Variants in HIVEP3 observed in about 807,000 individuals in gnomAD.
The protein encoded by HIVEP3 is HIVEP zinc finger 3.
HIVEP3 carries 49 observed loss-of-function variants against 152.8 expected under a neutral mutation model. The observed-to-expected ratio is 0.32, with a 90% CI of 0.26 to 0.41. The LOEUF (loss-of-function observed/expected upper bound fraction) is 0.41, where lower values mean the gene tolerates loss of function less well. Among genes scored for constraint, HIVEP3 ranks in the 10% least tolerant of loss-of-function variants. HIVEP3 has a pLI of 1.00. For synonymous variants in HIVEP3, 1,269 were observed against 1,289.0 expected (o/e 0.98, Z 0.33); for missense variants, 2,790 against 3,103.3 (o/e 0.90, Z 2.40).
chr1:41,640,198 G>A (rs1429276312), intron 2 of HIVEP3, among the ~76,000 whole-genome samples: 1 of 150,792 alleles, frequency 6.6e-6, no homozygotes, highest in East Asian at 2.0e-4. Flanking sequence ...GAGAATACCG[G>A]AGTGGCGGGA....
chr1:41,685,719 G>C (rs1646104198), intron 2 of HIVEP3, among the ~76,000 whole-genome samples: 1 of 152,216 alleles, frequency 6.6e-6, no homozygotes, highest in Non-Finnish European at 1.5e-5. Flanking sequence ...AAATATACTT[G>C]AACTTATTTG....
intron 1 of HIVEP3, among the ~76,000 whole-genome samples, chr1:41,942,233 A>G (rs1211718608): frequency 1.3e-5 from 2 of 152,238 alleles, no homozygotes; most frequent in African/African-American, 4.8e-5. Flanking sequence ...TAACACATCC[A>G]TATGGGTGTC....
chr1:41,942,152 T>C (rs1281720335), intron 1 of HIVEP3, among the ~76,000 whole-genome samples: 1 of 152,238 alleles, frequency 6.6e-6, no homozygotes, highest in Non-Finnish European at 1.5e-5. Flanking sequence ...GGCAGTCTCA[T>C]GCAGTCTCAC....
At chr1:42,006,383 T>A (rs918129988) in intron 1 of HIVEP3, among the ~76,000 whole-genome samples, 2 of 152,156 alleles carry the variant, frequency 1.3e-5, no homozygotes, top group African/African-American at 4.8e-5. Flanking sequence ...AGGACCTCCT[T>A]ACATTCTTAA....
At chr1:41,562,871 T>C (rs916736940) in intron 5 of HIVEP3, among the ~76,000 whole-genome samples, 2 of 151,854 alleles carry the variant, frequency 1.3e-5, no homozygotes, top group African/African-American at 2.4e-5. Context: ...GTAAGGACGA[T>C]TGGTGGAAAG....
chr1:41,506,926 A>G lies in HIVEP3; in HGVS notation c.*3525T>C, dbSNP rs1414969611. 2.0e-5 allele frequency: 3 copies of G among 151,410 alleles called. No individual in the cohort carries two copies. Among genetic ancestry groups the G allele is most frequent in the Non-Finnish European group, 2.9e-5 (2 of 67,948 alleles). 9.4% of individuals were successfully genotyped at this position (151,410 alleles called of 1,614,324 possible). A position where few individuals can be genotyped will look rare whatever the true frequency, so the allele number is the denominator to read the frequency against. On this transcript the variant is annotated 3_prime_UTR_variant, in exon 9 of 9. Coordinates refer to ENST00000372583, the MANE Select transcript of HIVEP3 (RefSeq NM_024503.5). ...CTTTTCTTTCTTTCTTTTTTTACATACTAGATTTATTAAAGTGACCATAAG... is the reference window on the plus strand; with the variant it reads ...CTTTTCTTTCTTTCTTTTTTTACATGCTAGATTTATTAAAGTGACCATAAG...
At chr1:41,737,341 C>A (rs1444590936) in intron 1 of HIVEP3, among the ~76,000 whole-genome samples, 2 of 152,210 alleles carry the variant, frequency 1.3e-5, no homozygotes, top group African/African-American at 4.8e-5. Flanking sequence ...TCCCACTGCC[C>A]ACAGTGCCTC....
intron 1 of HIVEP3, among the ~76,000 whole-genome samples, chr1:41,821,116 G>T (rs373208332): frequency 1.3e-5 from 2 of 152,278 alleles, no homozygotes; most frequent in South Asian, 2.1e-4. Context: ...CTCTTAGGTG[G>T]CTGCTGACTG....
At chr1:41,749,095 C>A (rs1016560286) in intron 1 of HIVEP3, among the ~76,000 whole-genome samples, 2 of 152,234 alleles carry the variant, frequency 1.3e-5, no homozygotes, top group Non-Finnish European at 2.9e-5. Context: ...TCTCTATTTT[C>A]AGTCATGACA....
chr1:41,981,042 G>A lies in HIVEP3; in HGVS notation n.119+54765C>T, dbSNP rs146170006. The stretch of plus-strand genomic sequence containing the variant: ...TATCGTTGCACAGCTGGGCAAGCTT[G>A]AGAGAGGCCTGGCTCAGAAGCACAC... On this transcript the variant is annotated intron_variant and non_coding_transcript_variant, in intron 1 of 3. Coordinates refer to the HIVEP3 transcript ENST00000489103. 4.9e-3 allele frequency among the ~76,000 whole-genome samples: 749 copies of A among 152,300 alleles called. 2 individuals are homozygous for A. Among genetic ancestry groups the A allele is most frequent in the Non-Finnish European group, 8.5e-3 (581 of 68,028 alleles).
intron 2 of HIVEP3, among the ~76,000 whole-genome samples, chr1:41,681,716 T>C (rs1272602703): frequency 6.6e-6 from 1 of 152,134 alleles, no homozygotes; most frequent in Non-Finnish European, 1.5e-5. Context: ...GGGCAAGTGA[T>C]CCAGTGGGCT....
At chr1:41,700,432 G>C (rs892913081) in intron 2 of HIVEP3, among the ~76,000 whole-genome samples, 1 of 152,138 alleles carries the variant, frequency 6.6e-6, no homozygotes, top group African/African-American at 2.4e-5. Context: ...CTCAGTCCAG[G>C]ATCTCTGTGG....
At position 41,583,290 on chromosome 1, in the gene HIVEP3, C is replaced by A. The variant is rs1337011234; in HGVS notation, c.1508G>T (p.Ser503Ile). ...GGATGACAGGGGCTCCCGGTAGAGG[C>A]TGGATTTTGGGGACTCCATGCTGCT... is the stretch of plus-strand genomic sequence containing the variant. ...RRSSMESPKS[S>I]LYREPLSSHS... is the part of the protein sequence containing the mutation. Residue 503 changes from serine to isoleucine, a missense_variant, in exon 4 of 9, where the codon AGC becomes ATC. Ser to Ile is a moderately radical substitution (Grantham distance 142). Transcript: ENST00000372583. This position sits in a 1 kb window ranked among gnomAD's most constrained non-coding sequence, Gnocchi z 6.9. 6 of 1,612,846 alleles carry A rather than the reference C, an allele frequency of 3.7e-6. No homozygotes were observed. Among genetic ancestry groups the A allele is most frequent in the Non-Finnish European group, 5.1e-6 (6 of 1,179,608 alleles).
chr1:41,949,423 C>G (rs1038109530), intron 1 of HIVEP3, among the ~76,000 whole-genome samples: 5 of 152,258 alleles, frequency 3.3e-5, no homozygotes, highest in African/African-American at 1.2e-4. Context: ...ACCAACTTAA[C>G]TCCCTAGCAA....
rs562774281 is a variant in HIVEP3, at chr1:41,812,707, C to T, written c.-801+105706G>A. 1.5e-4 allele frequency among the ~76,000 whole-genome samples: 22 copies of T among 151,060 alleles called. 1 individual carries two copies. In the South Asian group the frequency reaches 3.6e-3, roughly 25 times the overall value. ...GTGGGGGGGGACCTGGGCTGCTCACCCCAGAGAAGACTGGCCAGCTGGGCT... is the reference window on the plus strand; with the variant it reads ...GTGGGGGGGGACCTGGGCTGCTCACTCCAGAGAAGACTGGCCAGCTGGGCT... On this transcript the variant is annotated intron_variant, in intron 1 of 8. Transcript: ENST00000372583.
At chr1:42,027,230 T>C (rs1184673956) in intron 1 of HIVEP3, among the ~76,000 whole-genome samples, 1 of 152,220 alleles carries the variant, frequency 6.6e-6, no homozygotes, top group Non-Finnish European at 1.5e-5. Context: ...GCAAATTCTG[T>C]CAATGCTACC....
intron 3 of HIVEP3, among the ~76,000 whole-genome samples, chr1:41,620,441 GC>G (rs1645030517): frequency 6.6e-6 from 1 of 152,012 alleles, no homozygotes; most frequent in African/African-American, 2.4e-5. Flanking sequence ...CTCCTGTCCT[GC>G]CCTACCTCTC....
chr1:41,947,120 G>C (rs567711663), intron 1 of HIVEP3, among the ~76,000 whole-genome samples: 19 of 152,250 alleles, frequency 1.2e-4, no homozygotes, highest in African/African-American at 4.6e-4. Flanking sequence ...AACTCACCTG[G>C]ATTGTTTTAC....
At chr1:41,855,315 A>ACC (rs1643730094) in intron 1 of HIVEP3, among the ~76,000 whole-genome samples, 1 of 132,052 alleles carries the variant, frequency 7.6e-6, no homozygotes, top group Non-Finnish European at 1.7e-5. Flanking sequence ...TGGCTGCATA[A>ACC]AAAAGCAATG....
Sources: allele counts gnomAD v4.1 joint callset (sites outside exome capture counted in the v4.1 genomes callset), GRCh38; gene constraint gnomAD v4.1.1; non-coding constraint Gnocchi (gnomAD v3.1); transcripts MANE v1.5; gene names NCBI Gene and HGNC (gene_info 2026-07-23, HGNC 2026-07-21).